GSK3A: variants seen among roughly 807,000 people sequenced by gnomAD.
The protein encoded by GSK3A is glycogen synthase kinase-3 alpha.
Under a neutral mutation model 56.6 loss-of-function variants are expected in GSK3A, and 14 were observed. The observed-to-expected ratio is 0.25, with a 90% CI of 0.16 to 0.39. The LOEUF (loss-of-function observed/expected upper bound fraction) is 0.39. GSK3A is among the 10% of genes least tolerant of loss of function. GSK3A has a pLI of 1.00. For synonymous variants in GSK3A, 301 were observed against 285.0 expected (o/e 1.06, Z -0.56); for missense variants, 450 against 656.0 (o/e 0.69, Z 3.43).
chr19:42,231,119 T>C (rs1415249726), intron 10 of GSK3A, among the ~76,000 whole-genome samples: 5 of 152,108 alleles, frequency 3.3e-5, no homozygotes, highest in Non-Finnish European at 7.4e-5. Flanking sequence ...CCCAGCACTT[T>C]GGGAGGCTGA....
chr19:42,237,510 T>C (rs1002735485), intron 2 of GSK3A, among the ~76,000 whole-genome samples: 1 of 151,964 alleles, frequency 6.6e-6, no homozygotes, highest in African/African-American at 2.4e-5. Flanking sequence ...AAAAAATTTT[T>C]TTTCAACTTA....
intron 9 of GSK3A, 105 bp from the exon 10 acceptor site, chr19:42,232,254 CT>C: frequency 2.6e-6 from 2 of 779,318 alleles, no homozygotes; most frequent in Non-Finnish European, 2.2e-6. Context: ...TTGTGGACAC[CT>C]TCAGCCACAG....
intron 8 of GSK3A, 71 bp from the exon 9 acceptor site, chr19:42,232,753 C>CCG: frequency 7.7e-7 from 1 of 1,290,700 alleles, no homozygotes; most frequent in Non-Finnish European, 1.1e-6. Context: ...TATCTCACTG[C>CCG]CACAGTGCCT....
At position 42,242,435 on chromosome 19, in the gene GSK3A, G is replaced by A. The variant is rs1311009534; in HGVS notation, c.31C>T (p.Pro11Ser). 7.7e-7 allele frequency: 1 copy of A among 1,293,444 alleles called. No individual in the cohort carries two copies. Among genetic ancestry groups the A allele is most frequent in the East Asian group, 3.4e-5 (1 of 29,054 alleles). 80.1% of individuals were successfully genotyped at this position (1,293,444 alleles called of 1,614,324 possible). MSGGGPSGGG[P>S]GGSGRARTSS... Reference sequence around the variant, plus strand: ...GTCCGCGCCCTGCCCGAGCCCCCAGGGCCGCCTCCCGAAGGCCCGCCGCCG... The same window carrying A: ...GTCCGCGCCCTGCCCGAGCCCCCAGAGCCGCCTCCCGAAGGCCCGCCGCCG... The change falls in exon 1 of 11, where the codon CCT (proline) becomes TCT (serine). Residue 11 changes from proline (P) to serine (S), a missense_variant. Transcript: ENST00000222330.
At position 42,230,355 on chromosome 19, in the gene GSK3A, G is replaced by A. The variant is rs1220515787; in HGVS notation, c.*439C>T. ...AGGAGGGGAGTTACAGCTGTAGGAG[G>A]GGCGGGGCCAGGTTGGACGGTGCGA... is the stretch of plus-strand genomic sequence containing the variant. On this transcript the variant is annotated 3_prime_UTR_variant, in exon 11 of 11. Transcript: ENST00000222330. 1 of 181,578 alleles carries A rather than the reference G, an allele frequency of 5.5e-6. No individual in the cohort carries two copies. The highest frequency in any genetic ancestry group is 5.5e-5 in the Admixed American group (1 of 18,192). 11.2% of individuals were successfully genotyped at this position (181,578 alleles called of 1,614,324 possible).
chr19:42,230,874 G>A lies in GSK3A; in HGVS notation c.1379-7C>T, dbSNP rs200809305. Reference sequence around the variant, plus strand: ...GTCGGAGTCTCAGTTAAAGCTGGAGGGAGGCAGGGAAGGAGCAGAGTTAGC... The same window carrying A: ...GTCGGAGTCTCAGTTAAAGCTGGAGAGAGGCAGGGAAGGAGCAGAGTTAGC... On this transcript the variant is annotated splice_polypyrimidine_tract_variant and splice_region_variant and intron_variant, in intron 10 of 10. Transcript: ENST00000222330. The A allele has an allele frequency of 2.8e-4, 429 of 1,553,838 alleles. 1 individual carries two copies. Among genetic ancestry groups the A allele is most frequent in the Non-Finnish European group, 1.8e-4 (204 of 1,147,002 alleles).
intron 1 of GSK3A, chr19:42,240,597 C>G: frequency 4.3e-6 from 1 of 232,168 alleles, no homozygotes; most frequent in South Asian, 8.5e-5. Context: ...ACTAACCTCT[C>G]TCACAGCCTA....
chr19:42,233,670 C>T (rs1209121713), intron 6 of GSK3A, among the ~76,000 whole-genome samples: 1 of 152,150 alleles, frequency 6.6e-6, no homozygotes, highest in Non-Finnish European at 1.5e-5. Flanking sequence ...CCAAATTAGG[C>T]CCAAACCTGC....
At chr19:42,232,435 C>A (rs1164717104) in intron 9 of GSK3A, 61 bp downstream of exon 9, 5 of 1,503,276 alleles carry the variant, frequency 3.3e-6, no homozygotes, top group East Asian at 2.3e-5. Flanking sequence ...CCAAGCTCCT[C>A]ACAATCTTTG....
chr19:42,239,505 A>G (rs1029466821), intron 2 of GSK3A, among the ~76,000 whole-genome samples: 6 of 151,984 alleles, frequency 3.9e-5, no homozygotes, highest in African/African-American at 1.5e-4. Flanking sequence ...CTTCAGAACC[A>G]CCCGCGCTAG....
intron 9 of GSK3A, 42 bp downstream of exon 9, chr19:42,232,454 C>T (rs764247665): frequency 9.8e-5 from 155 of 1,586,618 alleles, no homozygotes; most frequent in Non-Finnish European, 1.3e-4. Context: ...TGGCTGCCCC[C>T]CTACCCCGCC....
At position 42,236,920 on chromosome 19, in the gene GSK3A, G is replaced by A. The variant is rs1183969392; in HGVS notation, c.493C>T (p.Arg165Cys). The A allele has an allele frequency of 5.0e-6, 8 of 1,611,684 alleles. No individual in the cohort carries two copies. The highest frequency in any genetic ancestry group is 6.8e-6 in the Non-Finnish European group (8 of 1,177,880). Residue 165 changes from arginine (R) to cysteine (C), a missense_variant, in exon 3 of 11, where the codon CGT (arginine) becomes TGT (cysteine). Physicochemically the swap from Arg to Cys is radical, Grantham distance 180. Transcript: ENST00000222330. The part of the protein sequence containing the change: ...RFKNRELQIM[R>C]KLDHCNIVRL... ...ACAATATTGCAGTGGTCCAGCTTAC[G>A]CATGATCTGCAGCTCTCGGTTCTTG...
In GSK3A at chr19:42,236,734, G is replaced by C; in HGVS notation, c.556-18C>G. 1 of 1,577,004 alleles carries C rather than the reference G, an allele frequency of 6.3e-7. No homozygotes were observed. The highest frequency in any genetic ancestry group is 8.7e-7 in the Non-Finnish European group (1 of 1,146,150). ...TCGTCTTTCTGCAGGGAGCAAAGGA[G>C]AGGTGTGAGGCACTGTGAGAAGAGT... On this transcript the variant is annotated intron_variant, in intron 3 of 10. Transcript: ENST00000222330.
chr19:42,239,768 G>C (rs1435894930), intron 2 of GSK3A, among the ~76,000 whole-genome samples, 187 bp downstream of exon 2: 1 of 152,172 alleles, frequency 6.6e-6, no homozygotes, highest in Non-Finnish European at 1.5e-5. Flanking sequence ...TTGAGCAAAT[G>C]CCCAGTAAAA....
chr19:42,240,444 T>C (rs1240998737), intron 1 of GSK3A: 1 of 569,820 alleles, frequency 1.8e-6, no homozygotes, highest in Non-Finnish European at 3.1e-6. Flanking sequence ...CACTGGTCCA[T>C]CTTGGTACTG....
At chr19:42,232,790 C>T in intron 8 of GSK3A, 108 bp from the exon 9 acceptor site, 1 of 893,768 alleles carries the variant, frequency 1.1e-6, no homozygotes, top group Non-Finnish European at 1.7e-6. Flanking sequence ...GGTTGCTTCC[C>T]ACACCCCCAC....
At chr19:42,235,940 T>G (rs984109589) in intron 4 of GSK3A, among the ~76,000 whole-genome samples, 14 of 152,284 alleles carry the variant, frequency 9.2e-5, no homozygotes, top group Admixed American at 5.9e-4. Flanking sequence ...CACCCGTGCT[T>G]GGTACGTAAA....
At position 42,230,490 on chromosome 19, in the gene GSK3A, G is replaced by T; in HGVS notation, c.*304C>A. On this transcript the variant is annotated 3_prime_UTR_variant, in exon 11 of 11. Transcript: ENST00000222330. Reference sequence around the variant, plus strand: ...GTTCTATTTACAAGGGACACAGGAGGGGAGGGGGTCTGGAGGAGGTGGAGG... The same window carrying T: ...GTTCTATTTACAAGGGACACAGGAGTGGAGGGGGTCTGGAGGAGGTGGAGG... 2.2e-6 allele frequency: 1 copy of T among 457,808 alleles called. No homozygotes were observed. Among genetic ancestry groups the T allele is most frequent in the Non-Finnish European group, 4.0e-6 (1 of 252,276 alleles). 28.4% of individuals were successfully genotyped at this position (457,808 alleles called of 1,614,324 possible).
At chr19:42,235,153 C>T (rs1473964464) in intron 4 of GSK3A, among the ~76,000 whole-genome samples, 2 of 152,100 alleles carry the variant, frequency 1.3e-5, no homozygotes, top group Non-Finnish European at 2.9e-5. Flanking sequence ...GACTGCTGGG[C>T]CCCACTCTTA....
Sources: allele counts gnomAD v4.1 joint callset (sites outside exome capture counted in the v4.1 genomes callset), GRCh38; gene constraint gnomAD v4.1.1; transcripts MANE v1.5; gene names NCBI Gene and HGNC (gene_info 2026-07-23, HGNC 2026-07-21).